Variants in ABHD5 observed in about 807,000 individuals in gnomAD.
ABHD5 encodes the protein abhydrolase domain containing 5, lysophosphatidic acid acyltransferase.
Under a neutral mutation model 44.9 loss-of-function variants are expected in ABHD5, and 30 were observed. The observed-to-expected ratio is 0.67, with a 90% confidence interval of 0.50 to 0.91. ABHD5 has a LOEUF of 0.91. Among genes scored for constraint, ABHD5 ranks in the 40% least tolerant of loss-of-function variants. ABHD5 has a pLI of 0.00. For synonymous variants in ABHD5, 167 were observed against 147.0 expected, an observed-to-expected ratio of 1.14 and a Z score of -0.99; for missense variants, 399 against 423.4, an observed-to-expected ratio of 0.94 and a Z score of 0.50.
intron 7 of ABHD5, among the ~76,000 whole-genome samples, chr3:43,733,459 GGTT>G (rs768223014): frequency 6.6e-6 from 1 of 152,218 alleles, no homozygotes; most frequent in African/African-American, 2.4e-5. Context: ...GCCATTAACA[GGTT>G]GTTTTTAATT....
At chr3:43,702,168 C>T (rs1298347672) in intron 2 of ABHD5, 47 bp from the exon 3 acceptor site, 4 of 1,538,988 alleles carry the variant, frequency 2.6e-6, no homozygotes, top group Non-Finnish European at 3.5e-6. Flanking sequence ...CTTCCCTTCT[C>T]AGAAGTAATA....
At chr3:43,710,739 G>T (rs1469302608) in intron 3 of ABHD5, among the ~76,000 whole-genome samples, 1 of 152,168 alleles carries the variant, frequency 6.6e-6, no homozygotes, top group East Asian at 1.9e-4. Flanking sequence ...TTAGGAAAGG[G>T]ACTTTAGAGT....
At chr3:43,692,010 G>C (rs1280239485) in intron 1 of ABHD5, among the ~76,000 whole-genome samples, 1 of 152,210 alleles carries the variant, frequency 6.6e-6, no homozygotes, top group African/African-American at 2.4e-5. Flanking sequence ...AAGAATAGTA[G>C]TTAATGAGTG....
chr3:43,706,650 C>T (rs1466006009), intron 3 of ABHD5, among the ~76,000 whole-genome samples: 3 of 151,842 alleles, frequency 2.0e-5, no homozygotes, highest in Non-Finnish European at 4.4e-5. Flanking sequence ...ATGGGGGTTT[C>T]ACTTTGTTGC....
intron 5 of ABHD5, among the ~76,000 whole-genome samples, chr3:43,716,909 A>G (rs565334998): frequency 5.0e-4 from 76 of 152,300 alleles, no homozygotes; most frequent in African/African-American, 1.8e-3. Context: ...CGTGGTACTC[A>G]CGCCTGTAAT....
chr3:43,712,536 C>G (rs535411197), intron 4 of ABHD5, among the ~76,000 whole-genome samples: 6 of 152,260 alleles, frequency 3.9e-5, no homozygotes, highest in South Asian at 2.1e-4. Context: ...TAATGATGTT[C>G]TGAACTTCTG....
chr3:43,727,546 T>C (rs1470100830), downstream of ABHD5, among the ~76,000 whole-genome samples: 1 of 152,218 alleles, frequency 6.6e-6, no homozygotes, highest in Non-Finnish European at 1.5e-5. Flanking sequence ...ACTCTAGAAG[T>C]GTAAATGAGA....
Position 43,720,018 on chromosome 3 carries a change from A to G in ABHD5, c.*1486A>G, listed in dbSNP as rs1054767312. The G allele has an allele frequency of 1.3e-5, 2 of 152,202 alleles. No individual in the cohort carries two copies. Among genetic ancestry groups the G allele is most frequent in the African/African-American group, 4.8e-5 (2 of 41,454 alleles). The allele number at this position is 152,202 out of a possible 1,614,324, so 9.4% of individuals were successfully genotyped here. On this transcript the variant is annotated 3_prime_UTR_variant, in exon 7 of 7. Transcript: ENST00000644371. ...CTATTTTCAACATTTCTCCCCTATA[A>G]AAGAATAGACAAATTATACTGAAGC... is the stretch of plus-strand genomic sequence containing the variant.
intron 5 of ABHD5, 121 bp from the exon 6 acceptor site, chr3:43,717,550 A>AGCTGAGGTTTTTC: frequency 1.0e-6 from 1 of 980,030 alleles, no homozygotes; most frequent in Non-Finnish European, 1.6e-6. Context: ...TTTCTATTTA[A>AGCTGAGGTTTTTC]GCTGAGGTTT....
downstream of ABHD5, among the ~76,000 whole-genome samples, chr3:43,723,476 A>C (rs1468601): frequency 0.086 from 13,051 of 152,262 alleles, 775 homozygotes; most frequent in South Asian, 0.21. Context: ...AGGTTCATAA[A>C]ATCTGAACCT....
intron 2 of ABHD5, 68 bp from the exon 3 acceptor site, chr3:43,702,147 C>A: frequency 1.4e-6 from 2 of 1,420,884 alleles, no homozygotes; most frequent in Non-Finnish European, 1.9e-6. Flanking sequence ...TTTTTGGTTG[C>A]TCTGAGAATA....
chr3:43,718,161 A>ACT (rs2084790939), intron 6 of ABHD5, among the ~76,000 whole-genome samples: 2 of 151,652 alleles, frequency 1.3e-5, no homozygotes, highest in East Asian at 3.9e-4. Flanking sequence ...AAGGCAGCAC[A>ACT]CTCTCACTTT....
chr3:43,702,694 C>G, intron 3 of ABHD5, 107 bp downstream of exon 3: 1 of 1,519,146 alleles, frequency 6.6e-7, no homozygotes, highest in Non-Finnish European at 9.1e-7. Flanking sequence ...GGCAGACATT[C>G]TCTTAAAGGA....
chr3:43,732,353 C>T (rs1697250694), intron 7 of ABHD5, among the ~76,000 whole-genome samples: 1 of 152,120 alleles, frequency 6.6e-6, no homozygotes, highest in African/African-American at 2.4e-5. Context: ...TCGCTTGAAC[C>T]TGGGAGTTGG....
In ABHD5 at chr3:43,711,843, T is replaced by G. The variant is rs2084692486; in HGVS notation, c.641T>G (p.Leu214Arg). The part of the protein sequence containing the change: ...ALTPFNPLAG[L>R]RIAGPFGLSL... ...ACTCCCTTTAACCCTTTAGCTGGCC[T>G]AAGGATTGCAGGACCCTTTGGTGAG... is the stretch of plus-strand genomic sequence containing the variant. Residue 214 changes from leucine (L) to arginine (R), a missense_variant, in exon 4 of 7, where the codon CTA (leucine) becomes CGA (arginine). By Grantham distance (102) the Leu-to-Arg change is moderately radical. Transcript: ENST00000644371. 1 of 1,614,114 alleles carries G rather than the reference T, an allele frequency of 6.2e-7. No individual in the cohort carries two copies. Among genetic ancestry groups the G allele is most frequent in the African/African-American group, 1.3e-5 (1 of 74,950 alleles).
At chr3:43,696,658 C>T (rs1041482141) in intron 1 of ABHD5, among the ~76,000 whole-genome samples, 3 of 152,116 alleles carry the variant, frequency 2.0e-5, no homozygotes, top group African/African-American at 4.8e-5. Context: ...AGATAAGGCC[C>T]TTGCTTTTTA....
intron 3 of ABHD5, among the ~76,000 whole-genome samples, chr3:43,706,791 T>C (rs1438294407): frequency 1.3e-5 from 2 of 152,232 alleles, no homozygotes; most frequent in East Asian, 1.9e-4. Context: ...GTTGCAAATA[T>C]AATCTTTATT....
chr3:43,709,266 T>C (rs968968280), intron 3 of ABHD5, among the ~76,000 whole-genome samples: 1 of 152,210 alleles, frequency 6.6e-6, no homozygotes, highest in Admixed American at 6.5e-5. Flanking sequence ...GACAGTAGAA[T>C]TGAGCAATTG....
rs368924701 is a variant in ABHD5, at chr3:43,699,322, A to G, written c.94A>G (p.Ile32Val). ...GCTCCCCACATGGTGCCCTACGTCTATATCACACCTTAAAGAAGCTGAAGA... is the reference window on the plus strand; with the variant it reads ...GCTCCCCACATGGTGCCCTACGTCTGTATCACACCTTAAAGAAGCTGAAGA... ...GWLPTWCPTS[I>V]SHLKEAEEKM... is the part of the protein sequence containing the mutation. The change falls in exon 2 of 7, where the codon ATA becomes GTA. Residue 32 changes from isoleucine (I) to valine (V), a missense_variant. Transcript: ENST00000644371. The G allele has an allele frequency of 2.7e-5, 43 of 1,614,078 alleles. No individual in the cohort carries two copies. Among genetic ancestry groups the G allele is most frequent in the African/African-American group, 2.1e-4 (16 of 75,036 alleles).
Sources: gnomAD v4.1 joint callset for allele counts (sites outside exome capture counted in the v4.1 genomes callset) on GRCh38, gnomAD v4.1.1 for gene constraint, MANE v1.5 for transcripts, NCBI Gene and HGNC (gene_info 2026-07-23, HGNC 2026-07-21) for gene names.